The following MARCHF1 variants were observed in gnomAD, a reference collection of about 807,000 sequenced individuals.
The protein encoded by MARCHF1 is membrane associated ring-CH-type finger 1, also known as E3 ubiquitin-protein ligase MARCHF1.
In MARCHF1, 40 loss-of-function variants were observed where a neutral mutation model predicts 54.2. The ratio of observed to expected loss-of-function variants is 0.74; its 90% CI spans 0.57 to 0.96. The LOEUF is 0.96. Among genes scored for constraint, MARCHF1 ranks in the 40% least tolerant of loss-of-function variants. MARCHF1 has a pLI of 0.00. For synonymous variants in MARCHF1, 236 were observed against 236.3 expected (o/e 1.00, Z 0.01); for missense variants, 586 against 656.5 (o/e 0.89, Z 1.17).
chr4:163,530,930 G>A (rs2110861493), intron 9 of MARCHF1, among the ~76,000 whole-genome samples: 1 of 151,890 alleles, frequency 6.6e-6, no homozygotes, highest in East Asian at 1.9e-4. Context: ...TCATTACAGT[G>A]GCAGGTGTAA....
intron 2 of MARCHF1, among the ~76,000 whole-genome samples, chr4:164,035,887 C>A (rs1753983788): frequency 6.8e-6 from 1 of 147,460 alleles, no homozygotes; most frequent in African/African-American, 2.5e-5. Flanking sequence ...TCTAGACCAG[C>A]CTGGCCAATA....
intron 4 of MARCHF1, among the ~76,000 whole-genome samples, chr4:163,752,339 G>A (rs541845608): frequency 6.6e-6 from 1 of 152,266 alleles, no homozygotes; most frequent in African/African-American, 2.4e-5. Context: ...CAACTTGGAT[G>A]ACATTATTCT....
intron 3 of MARCHF1, among the ~76,000 whole-genome samples, chr4:163,940,977 G>A (rs1172096953): frequency 6.6e-6 from 1 of 152,028 alleles, no homozygotes; most frequent in East Asian, 1.9e-4. Flanking sequence ...TAAATTTGGG[G>A]AGACATAGAG....
chr4:164,101,096 T>A (rs1044073976), intron 2 of MARCHF1, among the ~76,000 whole-genome samples: 1 of 152,228 alleles, frequency 6.6e-6, no homozygotes, highest in South Asian at 2.1e-4. Context: ...ATCCCGCACC[T>A]GGCTCGGAGG....
intron 1 of MARCHF1, among the ~76,000 whole-genome samples, chr4:164,251,545 A>G (rs946452964): frequency 6.6e-6 from 1 of 152,186 alleles, no homozygotes; most frequent in East Asian, 1.9e-4. Flanking sequence ...ATACTTTAAA[A>G]TTTTGTTTTT....
intron 3 of MARCHF1, among the ~76,000 whole-genome samples, chr4:163,923,375 C>T (rs557194452): frequency 6.6e-6 from 1 of 152,170 alleles, no homozygotes; most frequent in African/African-American, 2.4e-5. Flanking sequence ...CTTCATTTCT[C>T]TCTACAGGAT....
chr4:164,142,090 ACC>A (rs1196793494), intron 1 of MARCHF1, among the ~76,000 whole-genome samples: 1 of 152,162 alleles, frequency 6.6e-6, no homozygotes, highest in East Asian at 1.9e-4. Context: ...TGTCACTCCC[ACC>A]CGAATACTGT....
At chr4:164,227,860 G>A (rs986663827) in intron 1 of MARCHF1, among the ~76,000 whole-genome samples, 3 of 152,108 alleles carry the variant, frequency 2.0e-5, no homozygotes, top group African/African-American at 7.2e-5. Context: ...ATACATGGGG[G>A]AAGCACTGTA....
intron 2 of MARCHF1, among the ~76,000 whole-genome samples, chr4:164,070,070 T>C (rs946721834): frequency 6.6e-6 from 1 of 152,202 alleles, no homozygotes; most frequent in Admixed American, 6.5e-5. Context: ...ACATGGAGCA[T>C]ACATTGACAT....
intron 9 of MARCHF1, among the ~76,000 whole-genome samples, chr4:163,537,916 T>G (rs1301447468): frequency 6.6e-6 from 1 of 152,226 alleles, no homozygotes; most frequent in African/African-American, 2.4e-5. Context: ...TGTGATCTGG[T>G]ACTTGCAGGC....
intron 4 of MARCHF1, among the ~76,000 whole-genome samples, chr4:163,780,512 G>C (rs527334731): frequency 9.2e-5 from 14 of 152,182 alleles, no homozygotes; most frequent in African/African-American, 3.1e-4. Context: ...TTCATGAGGA[G>C]ACATTCCGGG....
At chr4:163,572,019 C>T (rs936498077) in intron 8 of MARCHF1, among the ~76,000 whole-genome samples, 10 of 152,064 alleles carry the variant, frequency 6.6e-5, no homozygotes, top group African/African-American at 1.4e-4. Flanking sequence ...CAAACATTTT[C>T]GTTTTCTCTC....
At chr4:163,875,879 G>T (rs1494287) in intron 3 of MARCHF1, among the ~76,000 whole-genome samples, 123,826 of 151,912 alleles carry the variant, frequency 0.82, 50,826 homozygotes, top group East Asian at 0.96. Context: ...AGCAAACCTT[G>T]GAAGGCTGAG....
intron 2 of MARCHF1, among the ~76,000 whole-genome samples, chr4:164,018,598 T>C (rs929620036): frequency 6.6e-6 from 1 of 152,092 alleles, no homozygotes; most frequent in Non-Finnish European, 1.5e-5. Context: ...TAATAAATAA[T>C]CTGGGAAATG....
intron 1 of MARCHF1, among the ~76,000 whole-genome samples, chr4:164,240,619 A>T (rs1732712884): frequency 6.6e-5 from 10 of 152,030 alleles, no homozygotes; most frequent in Non-Finnish European, 1.5e-5. Context: ...ACCAACTGAA[A>T]CTGCCTTTGC....
chr4:163,787,398 A>T (rs1182380947), intron 4 of MARCHF1, among the ~76,000 whole-genome samples: 5 of 151,870 alleles, frequency 3.3e-5, no homozygotes, highest in Non-Finnish European at 7.4e-5. Flanking sequence ...AAACCTGATT[A>T]AAAAATTGGC....
At chr4:164,102,632 A>C (rs1323554583) in intron 2 of MARCHF1, among the ~76,000 whole-genome samples, 1 of 151,638 alleles carries the variant, frequency 6.6e-6, no homozygotes, top group Non-Finnish European at 1.5e-5. Flanking sequence ...CATGGAAAGG[A>C]ACAACCGGCA....
intron 2 of MARCHF1, among the ~76,000 whole-genome samples, chr4:164,008,860 C>A (rs1444357396): frequency 6.6e-6 from 1 of 151,522 alleles, no homozygotes. Context: ...TAGCAAGAAA[C>A]ACCTATATCA....
At chr4:164,191,371 T>G (rs1731119050) in intron 1 of MARCHF1, among the ~76,000 whole-genome samples, 1 of 152,216 alleles carries the variant, frequency 6.6e-6, no homozygotes, top group Admixed American at 6.5e-5. Context: ...AAGTAATTGC[T>G]TTTACAGAAT....
Sources: allele counts gnomAD v4.1 joint callset (sites outside exome capture counted in the v4.1 genomes callset), GRCh38; gene constraint gnomAD v4.1.1; transcripts MANE v1.5; gene names NCBI Gene and HGNC (gene_info 2026-07-23, HGNC 2026-07-21).